Variants in JAKMIP1 observed in about 807,000 individuals in gnomAD.
The protein encoded by JAKMIP1 is janus kinase and microtubule interacting protein 1.
A neutral mutation model predicts 113.0 loss-of-function variants in JAKMIP1; 33 were observed. The ratio of observed to expected loss-of-function variants is 0.29; its 90% confidence interval spans 0.22 to 0.39. The LOEUF (loss-of-function observed/expected upper bound fraction) is 0.39. Among genes scored for constraint, JAKMIP1 ranks in the 10% least tolerant of loss-of-function variants. JAKMIP1 has a pLI of 1.00. For missense variants in JAKMIP1, 813 were observed against 1,080.5 expected, an observed-to-expected ratio of 0.75 and a Z score of 3.47; for synonymous variants, 480 against 459.9, an observed-to-expected ratio of 1.04 and a Z score of -0.56.
rs191393392 is a variant in JAKMIP1 at position 6,142,475 on chromosome 4, C to T, written c.-147-29478G>A. Among the ~76,000 whole-genome samples, 4 of 152,324 alleles carry T rather than the reference C, an allele frequency of 2.6e-5. No homozygotes were observed. The highest frequency in any genetic ancestry group is 3.9e-4 in the East Asian group (2 of 5,184). On this transcript the variant is annotated intron_variant, in intron 1 of 20. Coordinates refer to ENST00000409021, the MANE Select transcript of JAKMIP1 (RefSeq NM_001099433.2). The surrounding 1 kb of genome is among the most constrained non-coding windows in gnomAD (Gnocchi z 5.5). Reference sequence around the variant, plus strand: ...AACTTGTCACATGAGAGAAGTCCTACGTACACTCAGCAATATGTAACAGTT... The same window carrying T: ...AACTTGTCACATGAGAGAAGTCCTATGTACACTCAGCAATATGTAACAGTT...
chr4:6,033,293 T>C (rs1289663037), intron 19 of JAKMIP1, among the ~76,000 whole-genome samples: 2 of 152,174 alleles, frequency 1.3e-5, no homozygotes, highest in Non-Finnish European at 2.9e-5. Flanking sequence ...TGTCCATGGT[T>C]GAAGCGGGTA....
rs7675047 is a variant in JAKMIP1 at position 6,046,410 on chromosome 4, C to T, written c.2028+2447G>A. Among the ~76,000 whole-genome samples, 1,341 of 152,340 alleles carry T rather than the reference C, an allele frequency of 8.8e-3. 11 individuals carry two copies. Among genetic ancestry groups the T allele is most frequent in the African/African-American group, 0.03 (1,261 of 41,584 alleles). ...GGTTTAAGTCTATTCCTCAAAGACG[C>T]GGAGCTGGGCACCTCTGTGCCAGGC... On this transcript the variant is annotated intron_variant, in intron 16 of 20. Transcript: ENST00000409021.
At chr4:6,126,626 A>ATG in intron 1 of JAKMIP1, among the ~76,000 whole-genome samples, 1 of 150,322 alleles carries the variant, frequency 6.7e-6, no homozygotes, top group African/African-American at 2.5e-5. Flanking sequence ...ACACACACAC[A>ATG]CACAAACACA....
At chr4:6,102,889 G>A (rs1323324187) in intron 3 of JAKMIP1, among the ~76,000 whole-genome samples, 1 of 151,354 alleles carries the variant, frequency 6.6e-6, no homozygotes. Context: ...GCCCACCACT[G>A]CACCCCGCTA....
chr4:6,168,938 A>G lies in JAKMIP1; in HGVS notation c.-148+31315T>C, dbSNP rs1365759623. On this transcript the variant is annotated intron_variant, in intron 1 of 20. Transcript: ENST00000409021. This position sits in a 1 kb window ranked among gnomAD's most constrained non-coding sequence, Gnocchi z 4.6. ...CAAAAAAAAAAATCATAGGGACAAGAAGTAGATGTAGTGGTTGTCAGGGGT... is the reference window on the plus strand; with the variant it reads ...CAAAAAAAAAAATCATAGGGACAAGGAGTAGATGTAGTGGTTGTCAGGGGT... Among the ~76,000 whole-genome samples the G allele has an allele frequency of 2.0e-5, 3 of 151,930 alleles. No individual in the cohort carries two copies. The highest frequency in any genetic ancestry group is 7.3e-5 in the African/African-American group (3 of 41,354).
In JAKMIP1 at chr4:6,186,152, G is replaced by A. The variant is rs1726633217; in HGVS notation, c.-148+14101C>T. On this transcript the variant is annotated intron_variant, in intron 1 of 20. Coordinates refer to ENST00000409021, the MANE Select transcript of JAKMIP1 (RefSeq NM_001099433.2). The surrounding 1 kb of genome is among the most constrained non-coding windows in gnomAD (Gnocchi z 5.5). ...TCCTAAGCAGGGAAAGCTCCCAGCTGAAGTGAGGGGAATGCAGGAACAGCC... is the reference window on the plus strand; with the variant it reads ...TCCTAAGCAGGGAAAGCTCCCAGCTAAAGTGAGGGGAATGCAGGAACAGCC... 6.6e-6 allele frequency among the ~76,000 whole-genome samples: 1 copy of A among 152,190 alleles called. No individual in the cohort carries two copies. Among genetic ancestry groups the A allele is most frequent in the Non-Finnish European group, 1.5e-5 (1 of 68,032 alleles).
At chr4:6,191,176 C>T (rs1727216185) in intron 1 of JAKMIP1, among the ~76,000 whole-genome samples, 1 of 152,214 alleles carries the variant, frequency 6.6e-6, no homozygotes, top group Admixed American at 6.5e-5. Flanking sequence ...TTGGGCCACG[C>T]CAAAGTCATG....
At position 6,129,471 on chromosome 4, in the gene JAKMIP1, T is replaced by C. The variant is rs1283279799; in HGVS notation, c.-147-16474A>G. Among the ~76,000 whole-genome samples the C allele has an allele frequency of 2.6e-5, 4 of 152,166 alleles. No homozygotes were observed. Among genetic ancestry groups the C allele is most frequent in the Admixed American group, 6.5e-5 (1 of 15,284 alleles). ...GGTTTGAGATCACATTGAAGTCGACTGGTTAAACACATCACCCCATTATCT... is the reference window on the plus strand; with the variant it reads ...GGTTTGAGATCACATTGAAGTCGACCGGTTAAACACATCACCCCATTATCT... On this transcript the variant is annotated intron_variant, in intron 1 of 20. Transcript: ENST00000409021. This position sits in a 1 kb window ranked among gnomAD's most constrained non-coding sequence, Gnocchi z 5.4.
chr4:6,062,547 T>TA (rs1441595605), intron 9 of JAKMIP1, 107 bp from the exon 10 acceptor site: 22 of 1,239,268 alleles, frequency 1.8e-5, no homozygotes, highest in Non-Finnish European at 2.3e-5. Context: ...GCTATGGCTT[T>TA]GAGTGCCAGG....
intron 1 of JAKMIP1, among the ~76,000 whole-genome samples, chr4:6,195,085 A>T (rs778456893): frequency 6.6e-6 from 1 of 152,172 alleles, no homozygotes. Flanking sequence ...GGTGATCCCC[A>T]TTTCCCAAAT....
rs1305707489 is a variant in JAKMIP1, at chr4:6,187,488, T to C, written c.-148+12765A>G. 1.3e-5 allele frequency among the ~76,000 whole-genome samples: 2 copies of C among 152,236 alleles called. No individual in the cohort carries two copies. Among genetic ancestry groups the C allele is most frequent in the East Asian group, 3.8e-4 (2 of 5,200 alleles). The stretch of plus-strand genomic sequence containing the variant: ...TATGATAGCATTAGAAGGTGAGGCG[T>C]TTGGCAAGTGATTAGGTCACGAGGG... On this transcript the variant is annotated intron_variant, in intron 1 of 20. Coordinates refer to ENST00000409021, the MANE Select transcript of JAKMIP1 (RefSeq NM_001099433.2). This position sits in a 1 kb window ranked among gnomAD's most constrained non-coding sequence, Gnocchi z 4.2.
At position 6,081,483 on chromosome 4, in the gene JAKMIP1, C is replaced by T. The variant is rs1429471869; in HGVS notation, c.1101+126G>A. ...GAGACATCTGTGACTGACACTGTGC[C>T]TGGTGCTTTGTGGGGAGGTGGGCAG... On this transcript the variant is annotated intron_variant, in intron 6 of 20. Transcript: ENST00000409021. The surrounding 1 kb of genome is among the most constrained non-coding windows in gnomAD (Gnocchi z 4.6). 1 of 1,006,820 alleles carries T rather than the reference C, an allele frequency of 9.9e-7. No homozygotes were observed. Among genetic ancestry groups the T allele is most frequent in the Non-Finnish European group, 1.5e-6 (1 of 666,058 alleles). The allele number at this position is 1,006,820 out of a possible 1,614,324, so 62.4% of individuals were successfully genotyped here. A position where few individuals can be genotyped will look rare whatever the true frequency, so the allele number is the denominator to read the frequency against.
At chr4:6,172,992 T>C (rs2109026252) in intron 1 of JAKMIP1, among the ~76,000 whole-genome samples, 1 of 152,156 alleles carries the variant, frequency 6.6e-6, no homozygotes, top group African/African-American at 2.4e-5. Context: ...CTGGAGGAGG[T>C]GATGCCCCAG....
At chr4:6,109,668 A>T (rs73795729) in intron 2 of JAKMIP1, among the ~76,000 whole-genome samples, 22 of 152,022 alleles carry the variant, frequency 1.4e-4, no homozygotes, top group Non-Finnish European at 2.8e-4. Flanking sequence ...GGCATGGAGC[A>T]TGCATGCCAG....
rs543135021 is a variant in JAKMIP1 at position 6,162,500 on chromosome 4, G to T, written c.-148+37753C>A. 6.6e-5 allele frequency among the ~76,000 whole-genome samples: 10 copies of T among 152,308 alleles called. No homozygotes were observed. The East Asian group carries it at 1.9e-3, about 29-fold the overall frequency. On this transcript the variant is annotated intron_variant, in intron 1 of 20. Coordinates refer to ENST00000409021, the MANE Select transcript of JAKMIP1 (RefSeq NM_001099433.2). The surrounding 1 kb of genome is among the most constrained non-coding windows in gnomAD (Gnocchi z 5.6). The stretch of plus-strand genomic sequence containing the variant: ...TTGGTCCCTTCTACACAATCCAGAT[G>T]AGGTTACACATGTTTCATTCCAAAA...
intron 1 of JAKMIP1, among the ~76,000 whole-genome samples, chr4:6,151,910 G>A (rs56144873): frequency 3.9e-5 from 6 of 151,996 alleles, no homozygotes; most frequent in African/African-American, 1.4e-4. Context: ...CACAGTGCCA[G>A]GTACATGACA....
intron 1 of JAKMIP1, among the ~76,000 whole-genome samples, chr4:6,170,115 TCATCAC>T (rs1724238330): frequency 8.1e-6 from 1 of 123,906 alleles, no homozygotes; most frequent in East Asian, 2.7e-4. Context: ...ATTACCAACA[TCATCAC>T]CATCACCACC....
Position 6,080,261 on chromosome 4 carries a change from C to T in JAKMIP1, c.1153G>A (p.Asp385Asn). Reference protein sequence around the residue: ...ASLKRHTSLNDLSLTRDEQEI... With the variant: ...ASLKRHTSLNNLSLTRDEQEI... The stretch of plus-strand genomic sequence containing the variant: ...TGCTCATCCCTCGTCAGGCTGAGGT[C>T]ATTCAAGGAGGTATGCCGCTTCAGA... The change falls in exon 7 of 21, where the codon GAC becomes AAC. Residue 385 changes from aspartate to asparagine, a missense_variant. Physicochemically the swap from Asp to Asn is conservative, Grantham distance 23. Transcript: ENST00000409021. This position sits in a 1 kb window ranked among gnomAD's most constrained non-coding sequence, Gnocchi z 6.0. 1 of 1,614,200 alleles carries T rather than the reference C, an allele frequency of 6.2e-7. No homozygotes were observed.
chr4:6,150,830 A>T lies in JAKMIP1; in HGVS notation c.-147-37833T>A, dbSNP rs116109878. On this transcript the variant is annotated intron_variant, in intron 1 of 20. Transcript: ENST00000409021. The surrounding 1 kb of genome is among the most constrained non-coding windows in gnomAD (Gnocchi z 4.8). ...CCGCATCCCAGCTTCAAGCTCCTCC[A>T]CTTGAGCAAGACAGTAATAATGTCT... 0.03 allele frequency among the ~76,000 whole-genome samples: 4,611 copies of T among 152,212 alleles called. 247 individuals carry two copies. Among genetic ancestry groups the T allele is most frequent in the African/African-American group, 0.1 (4,353 of 41,506 alleles).
Sources: allele counts gnomAD v4.1 joint callset (sites outside exome capture counted in the v4.1 genomes callset), GRCh38; gene constraint gnomAD v4.1.1; non-coding constraint Gnocchi (gnomAD v3.1); transcripts MANE v1.5; gene names NCBI Gene and HGNC (gene_info 2026-07-23, HGNC 2026-07-21).